USP25: variants seen among roughly 807,000 people sequenced by gnomAD.
USP25 encodes the protein ubiquitin carboxyl-terminal hydrolase 25.
In USP25, 85 loss-of-function variants were observed where a neutral mutation model predicts 158.5. That is an observed-to-expected ratio of 0.54 (90% CI 0.45 to 0.64). The LOEUF (loss-of-function observed/expected upper bound fraction) is 0.64. USP25 is among the 30% of genes least tolerant of loss of function. USP25 has a pLI of 0.00. For missense variants in USP25, 1,242 were observed against 1,327.3 expected, an observed-to-expected ratio of 0.94 and a Z score of 1.00; for synonymous variants, 464 against 460.4, an observed-to-expected ratio of 1.01 and a Z score of -0.10.
chr21:15,801,516 T>C (rs1483163219), intron 6 of USP25, among the ~76,000 whole-genome samples: 1 of 151,600 alleles, frequency 6.6e-6, no homozygotes, highest in Non-Finnish European at 1.5e-5. Context: ...TAATTTAGTA[T>C]AGTGACAGCA....
chr21:15,735,093 T>C (rs771158069), intron 1 of USP25, among the ~76,000 whole-genome samples: 7 of 152,254 alleles, frequency 4.6e-5, no homozygotes, highest in Non-Finnish European at 1.0e-4. Context: ...AAGCCCCTGC[T>C]CTTAACCACA....
intron 1 of USP25, among the ~76,000 whole-genome samples, chr21:15,755,829 C>G (rs970074372): frequency 1.3e-5 from 2 of 151,998 alleles, no homozygotes; most frequent in Admixed American, 6.6e-5. Flanking sequence ...CTAAAAAGGG[C>G]CAGATGATTG....
intron 20 of USP25, among the ~76,000 whole-genome samples, chr21:15,854,412 G>A (rs111388757): frequency 0.075 from 11,402 of 152,002 alleles, 497 homozygotes; most frequent in East Asian, 0.099. Context: ...CCAAAGTGCT[G>A]GGATTACAGA....
At chr21:15,747,135 G>T (rs902159186) in intron 1 of USP25, among the ~76,000 whole-genome samples, 3 of 151,926 alleles carry the variant, frequency 2.0e-5, no homozygotes, top group African/African-American at 7.2e-5. Context: ...TTTCTTTTGG[G>T]CTATTTATCT....
At position 15,799,802 on chromosome 21, in the gene USP25, A is replaced by C; in HGVS notation, c.601A>C (p.Lys201Gln). The change falls in exon 6 of 26, where the codon AAG (lysine) becomes CAG (glutamine). Residue 201 changes from lysine to glutamine, a missense_variant. Lys to Gln is a moderately conservative substitution (Grantham distance 53). Coordinates refer to ENST00000400183, the MANE Select transcript of USP25 (RefSeq NM_001283041.3). Reference protein sequence around the residue: ...LEFRRLVLNYKPPSNAQDLPR... With the variant: ...LEFRRLVLNYQPPSNAQDLPR... ...ATTTAGAAGATTAGTTCTGAATTACAAGCCTCCATCAAATGCTCAAGATTT... is the reference window on the plus strand; with the variant it reads ...ATTTAGAAGATTAGTTCTGAATTACCAGCCTCCATCAAATGCTCAAGATTT... 6.2e-7 allele frequency: 1 copy of C among 1,601,922 alleles called. No individual in the cohort carries two copies. Among genetic ancestry groups the C allele is most frequent in the Non-Finnish European group, 8.5e-7 (1 of 1,174,120 alleles).
At chr21:15,800,810 C>T (rs2036096418) in intron 6 of USP25, among the ~76,000 whole-genome samples, 1 of 151,208 alleles carries the variant, frequency 6.6e-6, no homozygotes. Context: ...TTTTTAAAAC[C>T]ACTTTTTCTT....
intron 1 of USP25, among the ~76,000 whole-genome samples, chr21:15,754,347 A>T (rs933606425): frequency 6.6e-6 from 1 of 152,122 alleles, no homozygotes; most frequent in Non-Finnish European, 1.5e-5. Flanking sequence ...TATTCAGTCA[A>T]TGTTGATTGC....
rs938232543 is a variant in USP25, at chr21:15,875,573, T to C, written c.3009+1047T>C. Among the ~76,000 whole-genome samples, 16 of 152,212 alleles carry C rather than the reference T, an allele frequency of 1.1e-4. No individual in the cohort carries two copies. Among genetic ancestry groups the C allele is most frequent in the Non-Finnish European group, 5.9e-5 (4 of 68,028 alleles). ...GGAATAAGTGCCATTATGAGAAATA[T>C]GCACAATGATATGCCTGAAATATTT... On this transcript the variant is annotated intron_variant, in intron 24 of 25. Transcript: ENST00000400183. This position sits in a 1 kb window ranked among gnomAD's most constrained non-coding sequence, Gnocchi z 4.7.
At chr21:15,855,905 A>G (rs1372968245) in intron 20 of USP25, among the ~76,000 whole-genome samples, 1 of 152,242 alleles carries the variant, frequency 6.6e-6, no homozygotes, top group Non-Finnish European at 1.5e-5. Context: ...TACACTTGGC[A>G]TCTTTTACTC....
Position 15,878,968 on chromosome 21 carries a change from A to G in USP25, c.*493A>G, listed in dbSNP as rs909846755. The G allele has an allele frequency of 2.0e-5, 3 of 152,742 alleles. No homozygotes were observed. Among genetic ancestry groups the G allele is most frequent in the South Asian group, 2.1e-4 (1 of 4,826 alleles). The allele number at this position is 152,742 out of a possible 1,614,324, so 9.5% of individuals were successfully genotyped here. A position where few individuals can be genotyped will look rare whatever the true frequency, so the allele number is the denominator to read the frequency against. ...TGTATTAGTAATACTAGATAAATGA[A>G]TTTTGTCTGGGGATTAAGATTGGAT... On this transcript the variant is annotated 3_prime_UTR_variant, in exon 26 of 26. Coordinates refer to ENST00000400183, the MANE Select transcript of USP25 (RefSeq NM_001283041.3).
In USP25 at chr21:15,826,249, T is replaced by A. The variant is rs1337351713; in HGVS notation, c.1350T>A (p.Asp450Glu). The A allele has an allele frequency of 3.1e-6, 5 of 1,613,974 alleles. No individual in the cohort carries two copies. Residue 450 changes from aspartate to glutamate, a missense_variant, in exon 13 of 26, where the codon GAT (aspartate) becomes GAA (glutamate). Asp to Glu is a conservative substitution (Grantham distance 45). This residue lies in a region of USP25 where 627 missense variants were observed against 701.4 expected (regional missense o/e 0.89). Coordinates refer to ENST00000400183, the MANE Select transcript of USP25 (RefSeq NM_001283041.3). The surrounding 1 kb of genome is among the most constrained non-coding windows in gnomAD (Gnocchi z 4.8). Reference sequence around the variant, plus strand: ...GTCCCAAACGATTCCCCTTGGTAGATGTTCTTCAGTATGCATTGGAATTTG... The same window carrying A: ...GTCCCAAACGATTCCCCTTGGTAGAAGTTCTTCAGTATGCATTGGAATTTG... ...GSGPKRFPLV[D>E]VLQYALEFAS... is the part of the protein sequence containing the mutation.
In USP25 at chr21:15,766,033, C is replaced by T. The variant is rs764169968; in HGVS notation, c.160C>T (p.Leu54Phe). Residue 54 changes from leucine to phenylalanine, a missense_variant, in exon 3 of 26, where the codon CTT becomes TTT. Physicochemically the swap from Leu to Phe is conservative, Grantham distance 22 (BLOSUM62 0). Around this residue, in one of 3 missense-constraint regions of USP25, gnomAD observed 627 missense variants for 701.4 expected, o/e 0.89. Coordinates refer to ENST00000400183, the MANE Select transcript of USP25 (RefSeq NM_001283041.3). The surrounding 1 kb of genome is among the most constrained non-coding windows in gnomAD (Gnocchi z 4.0). ...NGNLELAVAF[L>F]TAKNAKTPQQ... is the part of the protein sequence containing the mutation. ...AAACTTGGAATTAGCAGTGGCTTTC[C>T]TTACTGCGAAGAATGCTAAGACCCC... 3 of 1,608,286 alleles carry T rather than the reference C, an allele frequency of 1.9e-6. No homozygotes were observed. Among genetic ancestry groups the T allele is most frequent in the Non-Finnish European group, 2.5e-6 (3 of 1,177,036 alleles).
intron 3 of USP25, among the ~76,000 whole-genome samples, chr21:15,771,805 A>G (rs2034372763): frequency 6.6e-6 from 1 of 151,202 alleles, no homozygotes; most frequent in Non-Finnish European, 1.5e-5. Flanking sequence ...ACATATTCTT[A>G]TTGCAACGCT....
rs397973617 is a variant in USP25 at position 15,846,158 on chromosome 21, A to ATTTTTT, written c.2338-1488_2338-1483dup. On this transcript the variant is annotated intron_variant, in intron 18 of 25. Coordinates refer to ENST00000400183, the MANE Select transcript of USP25 (RefSeq NM_001283041.3). ...TATATATATATATATATATATATAT[A>ATTTTTT]TTTTTTTTTTTTTTTTTTTTTTGAG... Among the ~76,000 whole-genome samples the ATTTTTT allele has an allele frequency of 2.9e-4, 7 of 23,950 alleles. 1 individual carries two copies. Among genetic ancestry groups the ATTTTTT allele is most frequent in the East Asian group, 1.5e-3 (1 of 656 alleles). 15.7% of individuals were successfully genotyped at this position (23,950 alleles called of 152,430 possible).
At chr21:15,801,957 T>A (rs2036157251) in intron 6 of USP25, among the ~76,000 whole-genome samples, 1 of 151,516 alleles carries the variant, frequency 6.6e-6, no homozygotes, top group South Asian at 2.1e-4. Flanking sequence ...CTTTGAACTG[T>A]TGGTAATTTC....
chr21:15,870,489 A>T (rs1422504697), intron 23 of USP25, among the ~76,000 whole-genome samples: 2 of 152,180 alleles, frequency 1.3e-5, no homozygotes, highest in Non-Finnish European at 2.9e-5. Flanking sequence ...TTCTGTAAAA[A>T]GTGTAGCTGT....
intron 4 of USP25, 124 bp downstream of exon 4, chr21:15,778,151 G>A (rs934542229): frequency 1.1e-6 from 1 of 915,994 alleles, no homozygotes; most frequent in Non-Finnish European, 1.5e-6. Context: ...TAATATGCTT[G>A]TGTATTTTTA....
chr21:15,854,469 C>T (rs1429487424), intron 20 of USP25, among the ~76,000 whole-genome samples: 1 of 151,868 alleles, frequency 6.6e-6, no homozygotes, highest in Non-Finnish European at 1.5e-5. Context: ...TTTAATATCT[C>T]TTCTGTCCTG....
intron 9 of USP25, among the ~76,000 whole-genome samples, chr21:15,815,951 A>G (rs1435399158): frequency 6.6e-6 from 1 of 152,050 alleles, no homozygotes; most frequent in Non-Finnish European, 1.5e-5. Context: ...ATGAGCTAAG[A>G]CTTTGGGGGA....
Sources: allele counts gnomAD v4.1 joint callset (sites outside exome capture counted in the v4.1 genomes callset), GRCh38; gene constraint gnomAD v4.1.1; regional missense constraint gnomAD v4.1.1; non-coding constraint Gnocchi (gnomAD v3.1); transcripts MANE v1.5; gene names NCBI Gene and HGNC (gene_info 2026-07-23, HGNC 2026-07-21).